Variants in RGPD2 observed in about 807,000 individuals in gnomAD.
The protein encoded by RGPD2 is RANBP2 like and GRIP domain containing 2.
RGPD2 carries 2 observed loss-of-function variants against 36.0 expected under a neutral mutation model. That is an observed-to-expected ratio of 0.06 (90% CI 0.02 to 0.17). The LOEUF is 0.17. RGPD2 is among the 10% of genes least tolerant of loss of function. The pLI, the probability that RGPD2 is intolerant of heterozygous loss-of-function variation, is 1.00. For synonymous variants in RGPD2, 19 were observed against 163.8 expected (o/e 0.12, Z 6.75); for missense variants, 40 against 464.3 (o/e 0.09, Z 8.40).
At chr2:87,979,983 G>A in the RGPD2 span, among the ~76,000 whole-genome samples, 65 of 150,268 alleles carry the variant, frequency 4.3e-4, no homozygotes, top group African/African-American at 1.5e-3. Context: ...TGATCAAACT[G>A]TAAACTCAAG....
At chr2:87,864,613 GAT>G in the RGPD2 span, among the ~76,000 whole-genome samples, 1 of 43,012 alleles carries the variant, frequency 2.3e-5, no homozygotes, top group Non-Finnish European at 5.8e-5. Context: ...TAGATAGATA[GAT>G]AGATAGATAC....
At chr2:87,887,312 G>C in the RGPD2 span, among the ~76,000 whole-genome samples, 1 of 151,170 alleles carries the variant, frequency 6.6e-6, no homozygotes, top group East Asian at 2.0e-4. Flanking sequence ...ACATTCGTGT[G>C]TTTTCTAAGT....
chr2:87,965,951 A>C, the RGPD2 span, among the ~76,000 whole-genome samples: 3 of 129,934 alleles, frequency 2.3e-5, no homozygotes, highest in African/African-American at 7.8e-5. Context: ...ATAGCTTTAG[A>C]TTGCTTAATG....
At chr2:87,914,054 T>C in the RGPD2 span, among the ~76,000 whole-genome samples, 1 of 152,010 alleles carries the variant, frequency 6.6e-6, no homozygotes, top group Non-Finnish European at 1.5e-5. Context: ...AGACAGTTTA[T>C]TGTCATAATA....
chr2:87,836,307 AAGAG>A, the RGPD2 span, among the ~76,000 whole-genome samples: 23 of 150,056 alleles, frequency 1.5e-4, no homozygotes, highest in Non-Finnish European at 3.4e-4. Flanking sequence ...GAGAAAGAAA[AAGAG>A]AGAGAGGGAG....
chr2:87,866,798 C>A, the RGPD2 span, among the ~76,000 whole-genome samples: 1 of 152,092 alleles, frequency 6.6e-6, no homozygotes, highest in African/African-American at 2.4e-5. Flanking sequence ...GTCTCAGGGG[C>A]CAGGGGCCTC....
chr2:87,834,310 T>TTCTTCTTCAAA, the RGPD2 span, among the ~76,000 whole-genome samples: 1 of 152,026 alleles, frequency 6.6e-6, no homozygotes, highest in African/African-American at 2.4e-5. Flanking sequence ...AAGGTATCTG[T>TTCTTCTTCAAA]GCACACCATT....
chr2:87,812,880 T>C (rs1686149575), intron 4 of RGPD2, among the ~76,000 whole-genome samples: 1 of 151,664 alleles, frequency 6.6e-6, no homozygotes. Flanking sequence ...TTGCCCAAGC[T>C]GACTACTCAG....
At chr2:87,974,096 G>C in the RGPD2 span, among the ~76,000 whole-genome samples, 1 of 149,794 alleles carries the variant, frequency 6.7e-6, no homozygotes, top group Non-Finnish European at 1.5e-5. Flanking sequence ...GCATGACCTG[G>C]TGAATTCAAG....
the RGPD2 span, among the ~76,000 whole-genome samples, chr2:87,922,400 T>G: frequency 6.6e-6 from 1 of 150,798 alleles, no homozygotes; most frequent in Non-Finnish European, 1.5e-5. Flanking sequence ...GTCAAATATA[T>G]TTACCTAAAA....
At chr2:87,985,995 C>T in the RGPD2 span, 1 of 1,049,978 alleles carries the variant, frequency 9.5e-7, no homozygotes. Flanking sequence ...GTTTTTTTAA[C>T]TTCTACTATG....
the RGPD2 span, among the ~76,000 whole-genome samples, chr2:87,952,428 G>C: frequency 2.0e-5 from 3 of 152,032 alleles, no homozygotes; most frequent in African/African-American, 7.2e-5. Context: ...ACATTTAAAA[G>C]GCCATGAGAA....
the RGPD2 span, among the ~76,000 whole-genome samples, chr2:87,927,141 T>A: frequency 7.8e-6 from 1 of 127,788 alleles, no homozygotes; most frequent in South Asian, 2.4e-4. Context: ...TAAAACTGAA[T>A]CCTACCAATG....
At chr2:87,922,287 C>T in the RGPD2 span, among the ~76,000 whole-genome samples, 4 of 95,078 alleles carry the variant, frequency 4.2e-5, no homozygotes, top group Admixed American at 1.5e-4. Flanking sequence ...AGCTAGACTT[C>T]GTCTCAAAAA....
the RGPD2 span, among the ~76,000 whole-genome samples, chr2:87,831,327 A>G: frequency 3.3e-5 from 5 of 152,300 alleles, no homozygotes; most frequent in East Asian, 9.7e-4. Flanking sequence ...TGAGCACATT[A>G]AAATATCTAA....
At chr2:87,948,354 A>T in the RGPD2 span, among the ~76,000 whole-genome samples, 1 of 151,374 alleles carries the variant, frequency 6.6e-6, no homozygotes, top group Non-Finnish European at 1.5e-5. Flanking sequence ...TATTGATATT[A>T]TTATATTTTA....
At chr2:87,985,288 C>T in the RGPD2 span, among the ~76,000 whole-genome samples, 1 of 151,316 alleles carries the variant, frequency 6.6e-6, no homozygotes, top group African/African-American at 2.4e-5. Flanking sequence ...TTCCTCTTCA[C>T]ATCCCAAGCA....
chr2:87,929,429 G>A, the RGPD2 span, among the ~76,000 whole-genome samples: 3 of 145,296 alleles, frequency 2.1e-5, no homozygotes, highest in South Asian at 6.4e-4. Context: ...TAGCTCTGTA[G>A]TGTTGTTTGA....
At chr2:87,883,986 A>C in the RGPD2 span, among the ~76,000 whole-genome samples, 1 of 151,794 alleles carries the variant, frequency 6.6e-6, no homozygotes, top group Non-Finnish European at 1.5e-5. Context: ...CAATAGCAAC[A>C]GGATATACGT....
Sources: allele counts gnomAD v4.1 joint callset (sites outside exome capture counted in the v4.1 genomes callset), GRCh38; gene constraint gnomAD v4.1.1; transcripts MANE v1.5; gene names NCBI Gene and HGNC (gene_info 2026-07-23, HGNC 2026-07-21).